MYO10: variants seen among roughly 807,000 people sequenced by gnomAD.
The protein encoded by MYO10 is myosin X, also known as unconventional myosin-X.
A neutral mutation model predicts 257.3 loss-of-function variants in MYO10; 133 were observed. The observed-to-expected ratio is 0.52, with a 90% CI of 0.45 to 0.60. MYO10 has a LOEUF of 0.60. Among genes scored for constraint, MYO10 ranks in the 20% least tolerant of loss-of-function variants. MYO10 has a pLI of 0.00. For missense variants in MYO10, 2,399 were observed against 2,635.7 expected (o/e 0.91, Z 1.97); for synonymous variants, 1,104 against 1,028.6 (o/e 1.07, Z -1.40).
intron 10 of MYO10, among the ~76,000 whole-genome samples, chr5:16,768,042 G>A (rs917678958): frequency 3.3e-5 from 5 of 151,918 alleles, no homozygotes. Flanking sequence ...AAAAGCTCTC[G>A]GGGGTTCTAT....
chr5:16,676,221 G>C lies in MYO10; in HGVS notation c.4543-67C>G, dbSNP rs1411613532. 6 of 1,575,576 alleles carry C rather than the reference G, an allele frequency of 3.8e-6. No homozygotes were observed. The African/African-American group carries it at 8.2e-5, about 22-fold the overall frequency. On this transcript the variant is annotated intron_variant, in intron 33 of 40. Coordinates refer to ENST00000513610, the MANE Select transcript of MYO10 (RefSeq NM_012334.3). ...TTTCCTACATATAAATATTTTTCAA[G>C]ACTCTCAAATATCCATAAACCTAGT...
intron 40 of MYO10, 124 bp downstream of exon 40, chr5:16,668,153 T>C (rs1277433130): frequency 2.8e-6 from 3 of 1,067,116 alleles, no homozygotes; most frequent in African/African-American, 1.6e-5. Context: ...CCACACTGTA[T>C]TTTCGTGTTT....
chr5:16,760,171 G>GTACACTT (rs1740662207), intron 17 of MYO10, among the ~76,000 whole-genome samples: 1 of 151,646 alleles, frequency 6.6e-6, no homozygotes, highest in Non-Finnish European at 1.5e-5. Flanking sequence ...GTACACTTCC[G>GTACACTT]CCGGGCATGG....
intron 4 of MYO10, among the ~76,000 whole-genome samples, chr5:16,787,159 AC>A (rs1300971465): frequency 2.6e-5 from 4 of 151,408 alleles, no homozygotes; most frequent in Non-Finnish European, 5.9e-5. Context: ...ACAGAGCGAG[AC>A]CCAAGACCCT....
rs1019224767 is a variant in MYO10, at chr5:16,764,168, G to T, written c.1326+82C>A. ...TCTCAAAAAAAAAAAGAAAAAAAAA[G>T]AGTTTGCTCACAGAGATTTGTTCAA... On this transcript the variant is annotated intron_variant, in intron 12 of 40. Coordinates refer to ENST00000513610, the MANE Select transcript of MYO10 (RefSeq NM_012334.3). 5 of 1,465,752 alleles carry T rather than the reference G, an allele frequency of 3.4e-6. No homozygotes were observed. In the African/African-American group the frequency reaches 4.3e-5, roughly 13 times the overall value. The allele number at this position is 1,465,752 out of a possible 1,614,324, so 90.8% of individuals were successfully genotyped here.
Position 16,698,625 on chromosome 5 carries a change from T to TTTTTTTTTG in MYO10, c.3556+824_3556+825insCAAAAAAAA, listed in dbSNP as rs1259428962. 3.8e-4 allele frequency among the ~76,000 whole-genome samples: 51 copies of TTTTTTTTTG among 134,478 alleles called. 4 individuals are homozygous for TTTTTTTTTG. Among genetic ancestry groups the TTTTTTTTTG allele is most frequent in the African/African-American group, 1.5e-3 (49 of 32,158 alleles). 88.2% of individuals were successfully genotyped at this position (134,478 alleles called of 152,430 possible). A position where few individuals can be genotyped will look rare whatever the true frequency, so the allele number is the denominator to read the frequency against. ...TCCCTGGCAGGAGAGAACATGCAGT[T>TTTTTTTTTG]TTTTTTTTTTTTTTTTGAGACAGCG... is the stretch of plus-strand genomic sequence containing the variant. On this transcript the variant is annotated intron_variant, in intron 26 of 40. Transcript: ENST00000513610.
At chr5:16,834,614 C>T (rs1367242484) in intron 2 of MYO10, among the ~76,000 whole-genome samples, 2 of 152,172 alleles carry the variant, frequency 1.3e-5, no homozygotes, top group African/African-American at 2.4e-5. Context: ...GAGGACTTTA[C>T]GTTTGTCATC....
chr5:16,748,355 G>T (rs765948125), intron 19 of MYO10, among the ~76,000 whole-genome samples: 1 of 151,994 alleles, frequency 6.6e-6, no homozygotes, highest in African/African-American at 2.4e-5. Context: ...AACAACTCTC[G>T]TGCCTCAGCC....
chr5:16,669,379 A>G (rs1452237057), intron 39 of MYO10, among the ~76,000 whole-genome samples: 1 of 151,960 alleles, frequency 6.6e-6, no homozygotes, highest in African/African-American at 2.4e-5. Context: ...ACGCCCAGCT[A>G]ATTTTTTGCA....
chr5:16,701,357 T>C lies in MYO10; in HGVS notation c.3038A>G (p.His1013Arg), dbSNP rs1328198716. The change falls in exon 25 of 41, where the codon CAC becomes CGC. Residue 1013 changes from histidine to arginine, a missense_variant. His to Arg is a conservative substitution (Grantham distance 29). Transcript: ENST00000513610. The surrounding 1 kb of genome is among the most constrained non-coding windows in gnomAD (Gnocchi z 8.1). ...ACTTGTTCGCTGGTCTGAGTGGCCG[T>C]GCTCGCTGGGGTTGGGGGAGTCCTT... ...AFKDSPNPSE[H>R]GHSDQRTSGI... 1 of 1,613,850 alleles carries C rather than the reference T, an allele frequency of 6.2e-7. No homozygotes were observed. The highest frequency in any genetic ancestry group is 8.5e-7 in the Non-Finnish European group (1 of 1,179,874).
At chr5:16,893,757 CATAA>C (rs773027406) in intron 1 of MYO10, among the ~76,000 whole-genome samples, 1 of 151,480 alleles carries the variant, frequency 6.6e-6, no homozygotes, top group Non-Finnish European at 1.5e-5. Context: ...CTGCTAAAAA[CATAA>C]ATAAATAAAT....
chr5:16,893,196 C>CAAAAAAAAAAAAAAAAAAAAA (rs59761183), intron 1 of MYO10, among the ~76,000 whole-genome samples: 4 of 69,612 alleles, frequency 5.7e-5, no homozygotes, highest in Non-Finnish European at 1.1e-4. Context: ...GACTCTGTCT[C>CAAAAAAAAAAAAAAAAAAAAA]AAAAAAAAAA....
In MYO10 at chr5:16,662,315, TA is replaced by T. The variant is rs1736012879; in HGVS notation, c.*4376del. On this transcript the variant is annotated 3_prime_UTR_variant, in exon 41 of 41. Coordinates refer to ENST00000513610, the MANE Select transcript of MYO10 (RefSeq NM_012334.3). ...AAAGTGCTGTCTTAGATTTCTGAACTATTTTTTTTTTTTTTTTTTTTTTTTG... is the reference window on the plus strand; with the variant it reads ...AAAGTGCTGTCTTAGATTTCTGAACTTTTTTTTTTTTTTTTTTTTTTTTTG... 3.9e-5 allele frequency: 4 copies of T among 101,852 alleles called. No individual in the cohort carries two copies. Among genetic ancestry groups the T allele is most frequent in the South Asian group, 3.7e-4 (1 of 2,694 alleles). 6.3% of individuals were successfully genotyped at this position (101,852 alleles called of 1,614,324 possible). A position where few individuals can be genotyped will look rare whatever the true frequency, so the allele number is the denominator to read the frequency against.
chr5:16,677,416 C>CTTTT (rs796474728), intron 33 of MYO10, among the ~76,000 whole-genome samples: 19 of 119,378 alleles, frequency 1.6e-4, no homozygotes, highest in Non-Finnish European at 2.6e-4. Context: ...GTAACTTGAC[C>CTTTT]TTTTTTTTTT....
At position 16,761,503 on chromosome 5, in the gene MYO10, G is replaced by A. The variant is rs769063773; in HGVS notation, c.1700C>T (p.Thr567Ile). Residue 567 changes from threonine to isoleucine, a missense_variant, in exon 17 of 41, where the codon ACA (threonine) becomes ATA (isoleucine). By Grantham distance (89) the Thr-to-Ile change is moderately conservative. Coordinates refer to ENST00000513610, the MANE Select transcript of MYO10 (RefSeq NM_012334.3). ...CAAATTGAGAAGGTCATCTCGAAATGTATCTCTGTTCTTCTCCAAGATACC... is the reference window on the plus strand; with the variant it reads ...CAAATTGAGAAGGTCATCTCGAAATATATCTCTGTTCTTCTCCAAGATACC... The part of the protein sequence containing the change: ...VRGILEKNRD[T>I]FRDDLLNLLR... 1.2e-6 allele frequency: 2 copies of A among 1,613,420 alleles called. No individual in the cohort carries two copies. Among genetic ancestry groups the A allele is most frequent in the Admixed American group, 1.7e-5 (1 of 59,988 alleles).
In MYO10 at chr5:16,853,600, G is replaced by A. The variant is rs185870805; in HGVS notation, c.120+24009C>T. ...AAATGATCCCTGGTAATACCCAGGT[G>A]TAAAATCTCTGGCATTACTCTTTTC... On this transcript the variant is annotated intron_variant, in intron 2 of 40. Transcript: ENST00000513610. Among the ~76,000 whole-genome samples, 230 of 152,286 alleles carry A rather than the reference G, an allele frequency of 1.5e-3. 3 individuals carry two copies. The highest frequency in any genetic ancestry group is 4.9e-3 in the African/African-American group (204 of 41,558).
intron 1 of MYO10, among the ~76,000 whole-genome samples, chr5:16,929,494 C>G (rs1561065680): frequency 6.6e-6 from 1 of 152,196 alleles, no homozygotes; most frequent in Non-Finnish European, 1.5e-5. Flanking sequence ...GCTCTGGACA[C>G]AGCCTGTCTG....
intron 1 of MYO10, among the ~76,000 whole-genome samples, chr5:16,891,959 A>G (rs140097385): frequency 2.6e-4 from 39 of 152,328 alleles, no homozygotes; most frequent in African/African-American, 9.1e-4. Flanking sequence ...CTAGAACACC[A>G]AAACAAGTTA....
intron 2 of MYO10, among the ~76,000 whole-genome samples, chr5:16,873,536 C>T (rs2560855): frequency 0.057 from 8,688 of 152,296 alleles, 705 homozygotes; most frequent in African/African-American, 0.18. Context: ...ACCCCAGTAG[C>T]GACTCTGTGT....
Sources: allele counts gnomAD v4.1 joint callset (sites outside exome capture counted in the v4.1 genomes callset), GRCh38; gene constraint gnomAD v4.1.1; non-coding constraint Gnocchi (gnomAD v3.1); transcripts MANE v1.5; gene names NCBI Gene and HGNC (gene_info 2026-07-23, HGNC 2026-07-21).